RIPK4: variants seen among roughly 807,000 people sequenced by gnomAD.
RIPK4 encodes the protein receptor interacting serine/threonine kinase 4.
In RIPK4, 17 loss-of-function variants were observed where a neutral mutation model predicts 42.9. The ratio of observed to expected loss-of-function variants is 0.40; its 90% CI spans 0.27 to 0.59. The LOEUF is 0.59. RIPK4 is among the 20% of genes least tolerant of loss of function. RIPK4 has a pLI of 0.47. For synonymous variants in RIPK4, 498 were observed against 499.1 expected (o/e 1.00, Z 0.03); for missense variants, 897 against 1,104.4 (o/e 0.81, Z 2.66).
chr21:41,759,768 C>T (rs573757661), intron 1 of RIPK4, among the ~76,000 whole-genome samples: 1 of 152,214 alleles, frequency 6.6e-6, no homozygotes, highest in Non-Finnish European at 1.5e-5. Flanking sequence ...ACCGCCCCTG[C>T]GAGAGTTCAG....
At chr21:41,765,961 C>T (rs1228968394) in intron 1 of RIPK4, among the ~76,000 whole-genome samples, 1 of 152,234 alleles carries the variant, frequency 6.6e-6, no homozygotes, top group Non-Finnish European at 1.5e-5. Context: ...CCGAATTTAA[C>T]ACGGGCGGCT....
rs761871932 is a variant in RIPK4, at chr21:41,740,957, G to A, written c.2236C>T (p.Arg746Trp). The A allele has an allele frequency of 4.3e-6, 7 of 1,612,196 alleles. No homozygotes were observed. The highest frequency in any genetic ancestry group is 4.5e-5 in the East Asian group (2 of 44,856). Residue 746 changes from arginine (R) to tryptophan (W), a missense_variant, in exon 8 of 8, where the codon CGG (arginine) becomes TGG (tryptophan). By Grantham distance (101) the Arg-to-Trp change is moderately radical. Transcript: ENST00000332512. Reference protein sequence around the residue: ...LSALHLAAQGRHAQTVETLLR... With the variant: ...LSALHLAAQGWHAQTVETLLR... ...AGAGTCTCCACCGTCTGTGCGTGCC[G>A]GCCCTGGGCGGCCAGGTGCAGCGCG... is the stretch of plus-strand genomic sequence containing the variant.
At chr21:41,758,704 C>A (rs1336034546) in intron 1 of RIPK4, among the ~76,000 whole-genome samples, 3 of 152,262 alleles carry the variant, frequency 2.0e-5, no homozygotes, top group African/African-American at 7.2e-5. Flanking sequence ...TTCATTTAAA[C>A]ACTGGCTGTG....
intron 1 of RIPK4, among the ~76,000 whole-genome samples, chr21:41,763,597 G>T (rs955713912): frequency 1.3e-5 from 2 of 152,232 alleles, no homozygotes; most frequent in Non-Finnish European, 2.9e-5. Flanking sequence ...TCAGGAAAAT[G>T]CAGCCGGAAA....
chr21:41,752,533 T>G (rs2061191610), intron 2 of RIPK4, among the ~76,000 whole-genome samples: 2 of 152,116 alleles, frequency 1.3e-5, no homozygotes, highest in Non-Finnish European at 2.9e-5. Context: ...TCCTCCCACT[T>G]CCATTTCTCC....
chr21:41,752,451 G>A (rs1601680168), intron 2 of RIPK4, among the ~76,000 whole-genome samples: 4 of 151,952 alleles, frequency 2.6e-5, no homozygotes. Flanking sequence ...GAAGGCCTGC[G>A]AGCAGGGACC....
intron 6 of RIPK4, 148 bp from the exon 7 acceptor site, chr21:41,744,288 T>C (rs751007616): frequency 5.3e-6 from 4 of 751,274 alleles, no homozygotes; most frequent in East Asian, 2.7e-5. Flanking sequence ...AGATAACCTA[T>C]TGGTCACCGA....
In RIPK4 at chr21:41,740,197, C is replaced by T. The variant is rs371501132; in HGVS notation, c.*641G>A. ...CTGGAATGGTTAAGAGCTGGCCACA[C>T]ATACGCCCCGCAAAGCTGGCTGCTA... On this transcript the variant is annotated 3_prime_UTR_variant, in exon 8 of 8. Coordinates refer to ENST00000332512, the MANE Select transcript of RIPK4 (RefSeq NM_020639.3). The T allele has an allele frequency of 6.6e-6, 1 of 152,292 alleles. No individual in the cohort carries two copies. The highest frequency in any genetic ancestry group is 1.5e-5 in the Non-Finnish European group (1 of 68,090). The allele number at this position is 152,292 out of a possible 1,614,324, so 9.4% of individuals were successfully genotyped here. A position where few individuals can be genotyped will look rare whatever the true frequency, so the allele number is the denominator to read the frequency against.
rs141957636 is a variant in RIPK4 at position 41,757,012 on chromosome 21, C to A, written c.183-196G>T. 2.3e-3 allele frequency among the ~76,000 whole-genome samples: 350 copies of A among 152,298 alleles called. 1 individual carries two copies. Among genetic ancestry groups the A allele is most frequent in the African/African-American group, 7.8e-3 (326 of 41,552 alleles). On this transcript the variant is annotated intron_variant, in intron 1 of 7. Transcript: ENST00000332512. The stretch of plus-strand genomic sequence containing the variant: ...TCAGTCCTGAGGCTGCTGAAATGTA[C>A]CTATGCATCACAGGGTTATCACAAG...
In RIPK4 at chr21:41,751,128, G is replaced by C. The variant is rs759404185; in HGVS notation, c.592C>G (p.Arg198Gly). The change falls in exon 3 of 8, where the codon CGG (arginine) becomes GGG (glycine). Residue 198 changes from arginine to glycine, a missense_variant. By Grantham distance (125) the Arg-to-Gly change is moderately radical. Coordinates refer to ENST00000332512, the MANE Select transcript of RIPK4 (RefSeq NM_020639.3). The surrounding 1 kb of genome is among the most constrained non-coding windows in gnomAD (Gnocchi z 4.5). ...LPPERIREKSRLFDTKHDVYS... is the reference protein window; with the variant it reads ...LPPERIREKSGLFDTKHDVYS... ...ACATCGTGCTTGGTGTCGAAGAGCC[G>C]GCTCTTCTCCCTGATGCGCTCTGGA... The C allele has an allele frequency of 6.2e-7, 1 of 1,614,154 alleles. No homozygotes were observed. The highest frequency in any genetic ancestry group is 2.2e-5 in the East Asian group (1 of 44,870).
Position 41,740,460 on chromosome 21 carries a change from T to C in RIPK4, c.*378A>G. 1 of 225,462 alleles carries C rather than the reference T, an allele frequency of 4.4e-6. No individual in the cohort carries two copies. The highest frequency in any genetic ancestry group is 8.6e-6 in the Non-Finnish European group (1 of 116,430). 14.0% of individuals were successfully genotyped at this position (225,462 alleles called of 1,614,324 possible). A position where few individuals can be genotyped will look rare whatever the true frequency, so the allele number is the denominator to read the frequency against. On this transcript the variant is annotated 3_prime_UTR_variant, in exon 8 of 8. Transcript: ENST00000332512. ...AAACACAGTTTCCCCTGCACCTCCC[T>C]CAAGACTGGTGAGCTCCAGCAACCC...
At chr21:41,744,278 A>C in intron 6 of RIPK4, 138 bp from the exon 7 acceptor site, 3 of 807,604 alleles carry the variant, frequency 3.7e-6, no homozygotes, top group Non-Finnish European at 5.7e-6. Flanking sequence ...GAAGCAATGC[A>C]GATAACCTAT....
rs1438706288 is a variant in RIPK4 at position 41,751,491 on chromosome 21, T to C, written c.475-246A>G. ...TGACGGGCAGGTGAAAGAATCGTAC[T>C]GTAAGGAAGGAGTTATCCGGGACAG... On this transcript the variant is annotated intron_variant, in intron 2 of 7. Coordinates refer to ENST00000332512, the MANE Select transcript of RIPK4 (RefSeq NM_020639.3). The surrounding 1 kb of genome is among the most constrained non-coding windows in gnomAD (Gnocchi z 4.5). 1.3e-5 allele frequency among the ~76,000 whole-genome samples: 2 copies of C among 152,166 alleles called. No individual in the cohort carries two copies. Among genetic ancestry groups the C allele is most frequent in the Non-Finnish European group, 2.9e-5 (2 of 68,014 alleles).
intron 2 of RIPK4, among the ~76,000 whole-genome samples, chr21:41,754,143 T>C (rs1485146760): frequency 6.6e-6 from 1 of 151,992 alleles, no homozygotes; most frequent in Non-Finnish European, 1.5e-5. Context: ...TGGATTACAG[T>C]TTTCCTGCAT....
rs532281390 is a variant in RIPK4 at position 41,741,521 on chromosome 21, G to A, written c.1672C>T (p.Arg558Cys). The A allele has an allele frequency of 1.6e-5, 26 of 1,612,352 alleles. No homozygotes were observed. Among genetic ancestry groups the A allele is most frequent in the African/African-American group, 5.3e-5 (4 of 75,060 alleles). The change falls in exon 8 of 8, where the codon CGC becomes TGC. Residue 558 changes from arginine to cysteine, a missense_variant. By Grantham distance (180) the Arg-to-Cys change is radical. Coordinates refer to ENST00000332512, the MANE Select transcript of RIPK4 (RefSeq NM_020639.3). ...TGCAGGCTCACGTCCACGCCTCGGC[G>A]CAGCAGGATGCGCACGATATTCTCC... is the stretch of plus-strand genomic sequence containing the variant. ...GQENIVRILL[R>C]RGVDVSLQGK...
chr21:41,754,073 C>T (rs936895948), intron 2 of RIPK4, among the ~76,000 whole-genome samples: 2 of 152,136 alleles, frequency 1.3e-5, no homozygotes, highest in Non-Finnish European at 2.9e-5. Context: ...ACTGAGGGAG[C>T]CCATCTCAGA....
chr21:41,759,559 G>A (rs978093823), intron 1 of RIPK4, among the ~76,000 whole-genome samples: 1 of 152,140 alleles, frequency 6.6e-6, no homozygotes, highest in Non-Finnish European at 1.5e-5. Flanking sequence ...AGAATCCAGC[G>A]TCCAGCCCAA....
In RIPK4 at chr21:41,755,469, C is replaced by T. The variant is rs764894507; in HGVS notation, c.474+1056G>A. On this transcript the variant is annotated intron_variant, in intron 2 of 7. Coordinates refer to ENST00000332512, the MANE Select transcript of RIPK4 (RefSeq NM_020639.3). The surrounding 1 kb of genome is among the most constrained non-coding windows in gnomAD (Gnocchi z 4.2). ...CGCATGCCATACGAGCCACCGCTCC[C>T]GTCCCACCCAAGAGCTCAGGGGCAG... Among the ~76,000 whole-genome samples the T allele has an allele frequency of 7.9e-5, 12 of 152,190 alleles. No individual in the cohort carries two copies. Among genetic ancestry groups the T allele is most frequent in the Non-Finnish European group, 1.5e-4 (10 of 68,038 alleles).
intron 1 of RIPK4, among the ~76,000 whole-genome samples, chr21:41,762,968 C>T (rs933018557): frequency 6.6e-6 from 1 of 152,172 alleles, no homozygotes; most frequent in African/African-American, 2.4e-5. Flanking sequence ...AATTAAAACA[C>T]AACCTAAAAA....
Sources: allele counts gnomAD v4.1 joint callset (sites outside exome capture counted in the v4.1 genomes callset), GRCh38; gene constraint gnomAD v4.1.1; non-coding constraint Gnocchi (gnomAD v3.1); transcripts MANE v1.5; gene names NCBI Gene and HGNC (gene_info 2026-07-23, HGNC 2026-07-21).